USP9X: variants seen among roughly 807,000 people sequenced by gnomAD.
USP9X encodes ubiquitin specific peptidase 9 X-linked, also known as ubiquitin carboxyl-terminal hydrolase 9X.
Under a neutral mutation model 190.3 loss-of-function variants are expected in USP9X, and 7 were observed. The observed-to-expected ratio is 0.04, with a 90% CI of 0.02 to 0.07. USP9X has a LOEUF of 0.07. USP9X is among the 10% of genes least tolerant of loss of function. USP9X has a pLI of 1.00. For missense variants in USP9X, 1,010 were observed against 1,916.9 expected (o/e 0.53, Z 8.83); for synonymous variants, 645 against 659.5 (o/e 0.98, Z 0.34).
At chrX:41,225,530 A>G (rs2063305022) in intron 41 of USP9X, among the ~76,000 whole-genome samples, 1 of 112,290 alleles carries the variant, frequency 8.9e-6, no homozygotes, top group Non-Finnish European at 1.9e-5. Context: ...ATAATAGTAT[A>G]TGTAAAAAGT....
chrX:41,154,106 G>A (rs749994115), intron 14 of USP9X, among the ~76,000 whole-genome samples: 6 of 111,733 alleles, frequency 5.4e-5, no homozygotes, highest in Admixed American at 9.5e-5. Context: ...CCCAGTGATA[G>A]TGTTGACTCT....
intron 10 of USP9X, among the ~76,000 whole-genome samples, 178 bp from the exon 11 acceptor site, chrX:41,144,344 C>G (rs942556905): frequency 9.2e-6 from 1 of 108,310 alleles, no homozygotes. Context: ...CTCAGCCTCC[C>G]GAGTAGGTGG....
chrX:41,111,017 G>C (rs1295569507), intron 1 of USP9X, among the ~76,000 whole-genome samples: 2 of 111,141 alleles, frequency 1.8e-5, no homozygotes, highest in African/African-American at 6.5e-5. Context: ...GGAAGGGAGA[G>C]ATTTGACTTT....
chrX:41,183,664 C>T (rs1317127438), intron 21 of USP9X, among the ~76,000 whole-genome samples: 2 of 111,314 alleles, frequency 1.8e-5, no homozygotes, highest in Non-Finnish European at 3.8e-5. Context: ...TAATTTTTTT[C>T]TTGTTATTTT....
intron 14 of USP9X, among the ~76,000 whole-genome samples, chrX:41,154,509 G>A (rs1394239195): frequency 1.8e-5 from 2 of 111,610 alleles, no homozygotes; most frequent in African/African-American, 3.3e-5. Flanking sequence ...TAATTTCATT[G>A]TCAGAGGTCA....
chrX:41,120,050 T>TCACCAG (rs2062178532), intron 1 of USP9X, among the ~76,000 whole-genome samples: 1 of 112,283 alleles, frequency 8.9e-6, no homozygotes, highest in Non-Finnish European at 1.9e-5. Context: ...CTTCTATGTC[T>TCACCAG]TTAGACTCAC....
At chrX:41,175,784 C>CACACACACACAT (rs2062769525) in intron 21 of USP9X, among the ~76,000 whole-genome samples, 1 of 111,027 alleles carries the variant, frequency 9.0e-6, no homozygotes, top group South Asian at 3.8e-4. Context: ...CACACACACA[C>CACACACACACAT]ATGAATATAT....
At chrX:41,221,001 C>A (rs775200048) in intron 38 of USP9X, among the ~76,000 whole-genome samples, 4 of 102,720 alleles carry the variant, frequency 3.9e-5, no homozygotes, top group Non-Finnish European at 5.9e-5. Flanking sequence ...CGGTGGCTCA[C>A]GTCTGTAATC....
chrX:41,157,615 C>T (rs1488879233), intron 14 of USP9X, among the ~76,000 whole-genome samples: 1 of 111,413 alleles, frequency 9.0e-6, no homozygotes, highest in Non-Finnish European at 1.9e-5. Context: ...ATTTCTGTTT[C>T]CCATAGTCAT....
intron 21 of USP9X, among the ~76,000 whole-genome samples, chrX:41,176,466 C>T (rs2062775868): frequency 9.0e-6 from 1 of 111,587 alleles, no homozygotes; most frequent in Non-Finnish European, 1.9e-5. Context: ...GCTGACTTGA[C>T]ATTGCTGAGA....
rs1033366444 is a variant in USP9X at position 41,155,299 on chromosome X, C to T, written c.1897+2218C>T. Among the ~76,000 whole-genome samples the T allele has an allele frequency of 1.8e-4, 20 of 111,897 alleles. No homozygotes were observed. In the Admixed American group the frequency reaches 1.9e-3, roughly 11 times the overall value. On this transcript the variant is annotated intron_variant, in intron 14 of 44. Coordinates refer to ENST00000378308, the MANE Select transcript of USP9X (RefSeq NM_001039591.3). ...AGTAAAATTCTCTACAGTATTTACT[C>T]ATGTTCTCACTACAAGTGTTTTCAT...
At chrX:41,139,788 T>C (rs1163516582) in intron 6 of USP9X, among the ~76,000 whole-genome samples, 1 of 112,173 alleles carries the variant, frequency 8.9e-6, no homozygotes, top group Admixed American at 9.5e-5. Flanking sequence ...CTGTAGAAAT[T>C]ATTTTTGCTT....
Position 41,196,724 on chromosome X carries a change from C to T in USP9X, c.4219C>T (p.Leu1407Phe). Residue 1407 changes from leucine (L) to phenylalanine (F), a missense_variant, in exon 28 of 45, where the codon CTT becomes TTT. Physicochemically the swap from Leu to Phe is conservative, Grantham distance 22. Around this residue, in one of 11 missense-constraint regions of USP9X, gnomAD observed 351 missense variants for 480.8 expected, o/e 0.73. Transcript: ENST00000378308. The stretch of plus-strand genomic sequence containing the variant: ...TCTTCTCAATAATGAAATTGATTGG[C>T]TTAAAAGAATTAGGGTAAGTTTTAG... The part of the protein sequence containing the change: ...EVLLNNEIDW[L>F]KRIRDDVKRT... 8.5e-7 allele frequency: 1 copy of T among 1,178,593 alleles called. No homozygotes were observed.
At position 41,123,640 on chromosome X, in the gene USP9X, G is replaced by A. The variant is rs898364183; in HGVS notation, c.12G>A (p.Thr4=). 3 of 1,209,676 alleles carry A rather than the reference G, an allele frequency of 2.5e-6. No individual in the cohort carries two copies. Among genetic ancestry groups the A allele is most frequent in the African/African-American group, 1.7e-5 (1 of 57,197 alleles). The change falls in exon 2 of 45, where the codon ACG becomes ACA. Residue 4 remains threonine, a synonymous_variant. Transcript: ENST00000378308. MTA[T]TRGSPVGGND... The stretch of plus-strand genomic sequence containing the variant: ...GCCCTGTGTCGAGTATGACAGCCAC[G>A]ACTCGTGGCTCTCCGGTCGGAGGGA...
intron 1 of USP9X, among the ~76,000 whole-genome samples, chrX:41,105,333 A>G (rs1434975953): frequency 3.6e-5 from 4 of 111,716 alleles, no homozygotes; most frequent in Non-Finnish European, 7.5e-5. Flanking sequence ...TGTTGGGGGA[A>G]AAGTGGCAAC....
intron 32 of USP9X, among the ~76,000 whole-genome samples, chrX:41,206,985 C>T (rs934039581): frequency 5.4e-4 from 58 of 107,704 alleles, no homozygotes; most frequent in Middle Eastern, 4.8e-3. Flanking sequence ...GGGGTTTCAC[C>T]ATGTTGGCCA....
intron 25 of USP9X, among the ~76,000 whole-genome samples, chrX:41,188,708 C>T (rs2062905029): frequency 9.0e-6 from 1 of 111,561 alleles, no homozygotes; most frequent in South Asian, 3.7e-4. Flanking sequence ...CCTGATTTGC[C>T]CAGGATATAT....
intron 38 of USP9X, among the ~76,000 whole-genome samples, chrX:41,222,948 G>A (rs747876898): frequency 2.7e-5 from 3 of 111,428 alleles, no homozygotes; most frequent in South Asian, 3.7e-4. Context: ...ACAGTGAGCC[G>A]GTGTGATTGG....
chrX:41,121,957 G>C (rs1260941092), intron 1 of USP9X, among the ~76,000 whole-genome samples: 2 of 112,118 alleles, frequency 1.8e-5, no homozygotes, highest in East Asian at 5.6e-4. Context: ...TTGTGGCCTT[G>C]TAACCCTGTT....
Sources: gnomAD v4.1 joint callset for allele counts (sites outside exome capture counted in the v4.1 genomes callset) on GRCh38, gnomAD v4.1.1 for gene constraint, gnomAD v4.1.1 regional missense constraint, MANE v1.5 for transcripts, NCBI Gene and HGNC (gene_info 2026-07-23, HGNC 2026-07-21) for gene names.